Variants in PACS2 observed in about 807,000 individuals in gnomAD.
The protein encoded by PACS2 is PACS1-like protein.
A neutral mutation model predicts 113.0 loss-of-function variants in PACS2; 36 were observed. The ratio of observed to expected loss-of-function variants is 0.32; its 90% CI spans 0.24 to 0.42. The LOEUF is 0.42. PACS2 is among the 10% of genes least tolerant of loss of function. PACS2 has a pLI of 1.00. For synonymous variants in PACS2, 589 were observed against 536.1 expected, an observed-to-expected ratio of 1.10 and a Z score of -1.36; for missense variants, 1,015 against 1,239.5, an observed-to-expected ratio of 0.82 and a Z score of 2.72.
At chr14:105,322,860 G>A (rs2058952829) in intron 1 of PACS2, among the ~76,000 whole-genome samples, 1 of 152,160 alleles carries the variant, frequency 6.6e-6, no homozygotes, top group Non-Finnish European at 1.5e-5. Context: ...ATTTCCTTTA[G>A]TGAGGATCTG....
rs1244051491 is a variant in PACS2 at position 105,323,533 on chromosome 14, A to G, written c.119+8496A>G. On this transcript the variant is annotated intron_variant, in intron 1 of 24. Coordinates refer to ENST00000447393, the MANE Select transcript of PACS2 (RefSeq NM_001100913.3). The surrounding 1 kb of genome is among the most constrained non-coding windows in gnomAD (Gnocchi z 4.1). ...TAGCTCCTTGGCGGACGTTCCTGTA[A>G]TGGAACCAGGATGTCATGCCAAGGA... Among the ~76,000 whole-genome samples, 2 of 152,208 alleles carry G rather than the reference A, an allele frequency of 1.3e-5. No homozygotes were observed. The highest frequency in any genetic ancestry group is 3.8e-4 in the East Asian group (2 of 5,196).
chr14:105,382,777 C>T (rs781890859), intron 14 of PACS2, 30 bp from the exon 15 acceptor site: 55 of 1,424,148 alleles, frequency 3.9e-5, no homozygotes, highest in South Asian at 3.1e-4. Context: ...GCGGCTGTGC[C>T]GAAGTCAGCG....
chr14:105,304,493 TAAATA>T (rs60177512), intron 1 of PACS2, among the ~76,000 whole-genome samples: 19 of 151,900 alleles, frequency 1.3e-4, no homozygotes, highest in Admixed American at 2.6e-4. Context: ...CATCTCACAA[TAAATA>T]AAATAAAATA....
intron 1 of PACS2, among the ~76,000 whole-genome samples, chr14:105,346,157 C>T (rs10134069): frequency 0.042 from 6,377 of 152,206 alleles, 467 homozygotes; most frequent in African/African-American, 0.15. Context: ...ATTGTTTAAG[C>T]TCCATGCCTG....
At chr14:105,389,844 A>G (rs587610131) in intron 19 of PACS2, 117 bp from the exon 20 acceptor site, 2 of 908,642 alleles carry the variant, frequency 2.2e-6, no homozygotes, top group African/African-American at 1.6e-5. Context: ...CGGCAGGGCC[A>G]TCCGGCAGGG....
chr14:105,392,850 G>A lies in PACS2; in HGVS notation c.2482+5G>A. On this transcript the variant is annotated splice_donor_5th_base_variant and intron_variant, in intron 23 of 24. Transcript: ENST00000447393. ...CCAAGGAGAAGAACAAGAAGGGTGA[G>A]GTGGGGCAGGCTATAAGGCCACACG... is the stretch of plus-strand genomic sequence containing the variant. 1.9e-6 allele frequency: 3 copies of A among 1,591,694 alleles called. No homozygotes were observed. Among genetic ancestry groups the A allele is most frequent in the Non-Finnish European group, 2.6e-6 (3 of 1,171,682 alleles).
chr14:105,349,869 CA>C (rs1555403517), intron 2 of PACS2, among the ~76,000 whole-genome samples: 16 of 148,058 alleles, frequency 1.1e-4, no homozygotes, highest in African/African-American at 3.1e-4. Context: ...GGAGAACTTC[CA>C]GGAGAGCGTG....
At chr14:105,351,789 G>A (rs1025131474) in intron 2 of PACS2, among the ~76,000 whole-genome samples, 35 of 152,204 alleles carry the variant, frequency 2.3e-4, no homozygotes, top group African/African-American at 8.4e-4. Flanking sequence ...AGGCTGTAGT[G>A]AGTTGAGATC....
intron 1 of PACS2, among the ~76,000 whole-genome samples, chr14:105,338,210 C>T (rs1436223609): frequency 6.6e-6 from 1 of 152,208 alleles, no homozygotes; most frequent in East Asian, 1.9e-4. Context: ...CGCTGGGGCT[C>T]TGCCCAGCCC....
chr14:105,384,916 G>C lies in PACS2; in HGVS notation c.1929G>C (p.Gln643His), dbSNP rs587769052. The stretch of plus-strand genomic sequence containing the variant: ...CAGACATTGTGTCACGCATCACGCA[G>C]TACATCGCAGGGGCCAACTGTGCCC... ...DTPDIVSRIT[Q>H]YIAGANCAHQ... Residue 643 changes from glutamine to histidine, a missense_variant, in exon 18 of 25, where the codon CAG becomes CAC. By Grantham distance (24) the Gln-to-His change is conservative. This residue lies in a region of PACS2 where 859 missense variants were observed against 1,056.8 expected (regional missense o/e 0.81). Coordinates refer to ENST00000447393, the MANE Select transcript of PACS2 (RefSeq NM_001100913.3). 1 of 1,600,596 alleles carries C rather than the reference G, an allele frequency of 6.2e-7. No individual in the cohort carries two copies. Among genetic ancestry groups the C allele is most frequent in the Non-Finnish European group, 8.5e-7 (1 of 1,173,786 alleles).
At chr14:105,367,487 C>T (rs957620858) in intron 5 of PACS2, 112 bp downstream of exon 5, 44 of 1,044,890 alleles carry the variant, frequency 4.2e-5, no homozygotes, top group Non-Finnish European at 5.9e-5. Context: ...GTTGGGGGTC[C>T]GGAGCACGTG....
intron 1 of PACS2, among the ~76,000 whole-genome samples, chr14:105,343,368 C>T (rs1344047717): frequency 6.6e-6 from 1 of 152,072 alleles, no homozygotes; most frequent in Non-Finnish European, 1.5e-5. Context: ...TTTCATTTCC[C>T]TTGGACCAAT....
In PACS2 at chr14:105,394,551, C is replaced by T; in HGVS notation, c.2597-3C>T. On this transcript the variant is annotated splice_region_variant and splice_polypyrimidine_tract_variant and intron_variant, in intron 24 of 24. Transcript: ENST00000447393. ...CAGGCGGTCAGGCAGCCCTCTCCCACAGTCCTCATCGACGGCGTGGAGTGC... is the reference window on the plus strand; with the variant it reads ...CAGGCGGTCAGGCAGCCCTCTCCCATAGTCCTCATCGACGGCGTGGAGTGC... 1 of 1,612,332 alleles carries T rather than the reference C, an allele frequency of 6.2e-7. No homozygotes were observed.
At chr14:105,334,362 C>T (rs1407150681) in intron 1 of PACS2, among the ~76,000 whole-genome samples, 1 of 152,232 alleles carries the variant, frequency 6.6e-6, no homozygotes, top group Admixed American at 6.5e-5. Flanking sequence ...TTGAGGCTGA[C>T]GCAGACCAGA....
intron 1 of PACS2, among the ~76,000 whole-genome samples, chr14:105,306,434 G>C (rs2058189257): frequency 6.6e-6 from 1 of 152,082 alleles, no homozygotes. Flanking sequence ...CTCCCGATTA[G>C]CTGGGATTAC....
chr14:105,382,544 ACAT>A lies in PACS2; in HGVS notation c.1486_1488del (p.Ile496del). On this transcript the variant is annotated inframe_deletion, in exon 14 of 25. Coordinates refer to ENST00000447393, the MANE Select transcript of PACS2 (RefSeq NM_001100913.3). ...ATCTCCGATGACCAGCTTCCCGAAAACATCATCCTTGTCAACACCTCGGACTGG... is the reference window on the plus strand; with the variant it reads ...ATCTCCGATGACCAGCTTCCCGAAAACATCCTTGTCAACACCTCGGACTGG... The A allele has an allele frequency of 6.2e-7, 1 of 1,612,976 alleles. No individual in the cohort carries two copies. Among genetic ancestry groups the A allele is most frequent in the Non-Finnish European group, 8.5e-7 (1 of 1,179,020 alleles).
chr14:105,360,654 G>C (rs113543295), intron 4 of PACS2, among the ~76,000 whole-genome samples: 19 of 152,234 alleles, frequency 1.2e-4, no homozygotes, highest in African/African-American at 4.3e-4. Context: ...ACCGGTCAGA[G>C]TGTTGGTTGC....
chr14:105,320,027 G>C (rs1433599115), intron 1 of PACS2, among the ~76,000 whole-genome samples: 1 of 152,032 alleles, frequency 6.6e-6, no homozygotes, highest in African/African-American at 2.4e-5. Context: ...TACCAGGCTG[G>C]AGTGCAGTGG....
intron 4 of PACS2, among the ~76,000 whole-genome samples, chr14:105,361,171 A>T (rs782326588): frequency 2.0e-5 from 3 of 152,160 alleles, no homozygotes; most frequent in Non-Finnish European, 4.4e-5. Context: ...TTTTCCCATG[A>T]ATCACAGATG....
Sources: allele counts gnomAD v4.1 joint callset (sites outside exome capture counted in the v4.1 genomes callset), GRCh38; gene constraint gnomAD v4.1.1; regional missense constraint gnomAD v4.1.1; non-coding constraint Gnocchi (gnomAD v3.1); transcripts MANE v1.5; gene names NCBI Gene and HGNC (gene_info 2026-07-23, HGNC 2026-07-21).